The following SLIT3 variants were observed in gnomAD, a reference collection of about 807,000 sequenced individuals.
SLIT3 encodes the protein slit homolog 3 protein.
A neutral mutation model predicts 184.0 loss-of-function variants in SLIT3; 68 were observed. That is an observed-to-expected ratio of 0.37 (90% CI 0.30 to 0.45). The LOEUF (loss-of-function observed/expected upper bound fraction) is 0.45, where lower values mean the gene tolerates loss of function less well. Among genes scored for constraint, SLIT3 ranks in the 20% least tolerant of loss-of-function variants. The pLI is 1.00. For missense variants in SLIT3, 1,707 were observed against 2,026.0 expected, an observed-to-expected ratio of 0.84 and a Z score of 3.02; for synonymous variants, 831 against 828.6, an observed-to-expected ratio of 1.00 and a Z score of -0.05.
intron 13 of SLIT3, among the ~76,000 whole-genome samples, chr5:168,773,726 G>C (rs1755644341): frequency 6.6e-6 from 1 of 152,150 alleles, no homozygotes; most frequent in Admixed American, 6.5e-5. Flanking sequence ...ATGGAAGTGA[G>C]GATATACTTC....
chr5:169,145,808 G>A (rs151252185), intron 4 of SLIT3, among the ~76,000 whole-genome samples: 1 of 152,320 alleles, frequency 6.6e-6, no homozygotes, highest in East Asian at 1.9e-4. Context: ...AGCACTTTGG[G>A]AGGCCAAGGC....
Position 168,758,591 on chromosome 5 carries a change from A to T in SLIT3, c.1685+2271T>A, listed in dbSNP as rs150980741. Among the ~76,000 whole-genome samples the T allele has an allele frequency of 2.0e-3, 308 of 152,332 alleles. 4 individuals are homozygous for T. Among genetic ancestry groups the T allele is most frequent in the South Asian group, 0.019 (94 of 4,826 alleles). ...CAGTGACAGCCATGATCCTCACCCA[A>T]GTGTGCCCTTCTCTCAGCTGGCCCC... On this transcript the variant is annotated intron_variant, in intron 16 of 35. Transcript: ENST00000519560.
chr5:168,950,796 C>A (rs569023010), intron 4 of SLIT3, among the ~76,000 whole-genome samples: 3 of 152,250 alleles, frequency 2.0e-5, no homozygotes, highest in Non-Finnish European at 4.4e-5. Context: ...CCTGCACATA[C>A]GCTGACCAAA....
intron 4 of SLIT3, among the ~76,000 whole-genome samples, chr5:169,130,911 G>T (rs1481997899): frequency 6.6e-6 from 1 of 152,104 alleles, no homozygotes; most frequent in African/African-American, 2.4e-5. Flanking sequence ...TATAATGTTT[G>T]AAAATATACA....
intron 4 of SLIT3, among the ~76,000 whole-genome samples, chr5:168,990,323 G>A (rs538236011): frequency 7.0e-4 from 107 of 152,296 alleles, no homozygotes; most frequent in African/African-American, 2.5e-3. Context: ...AGAAACTCCA[G>A]CCCCAGCTCT....
chr5:169,190,935 G>A (rs1763531208), intron 4 of SLIT3, among the ~76,000 whole-genome samples: 1 of 152,170 alleles, frequency 6.6e-6, no homozygotes, highest in South Asian at 2.1e-4. Flanking sequence ...CAAGCCCAGA[G>A]AGAAAAAGGG....
chr5:168,753,400 G>GAAGAGAGA (rs1754785526), intron 17 of SLIT3, among the ~76,000 whole-genome samples: 1 of 152,254 alleles, frequency 6.6e-6, no homozygotes, highest in Non-Finnish European at 1.5e-5. Flanking sequence ...TCTGGGAAGA[G>GAAGAGAGA]AAGAGAGAAT....
chr5:169,170,746 G>A (rs1762791630), intron 4 of SLIT3, among the ~76,000 whole-genome samples: 1 of 150,360 alleles, frequency 6.7e-6, no homozygotes, highest in Non-Finnish European at 1.5e-5. Flanking sequence ...TTAAAAAATG[G>A]TATGGGCCAA....
At chr5:168,924,400 C>A (rs1761740307) in intron 4 of SLIT3, among the ~76,000 whole-genome samples, 1 of 152,150 alleles carries the variant, frequency 6.6e-6, no homozygotes. Context: ...CCTCTCAAAC[C>A]CTTCTTTTAG....
chr5:168,703,340 C>A (rs1762274770), intron 26 of SLIT3, among the ~76,000 whole-genome samples: 1 of 151,346 alleles, frequency 6.6e-6, no homozygotes, highest in South Asian at 2.1e-4. Flanking sequence ...ACCCCTGGGA[C>A]ATGGACTGGT....
intron 23 of SLIT3, among the ~76,000 whole-genome samples, chr5:168,716,587 G>A (rs1419405206): frequency 6.6e-6 from 1 of 152,288 alleles, no homozygotes; most frequent in Non-Finnish European, 1.5e-5. Flanking sequence ...CTGAAAGTGT[G>A]CAGCTTGTAT....
chr5:169,115,717 C>A (rs1195844173), intron 4 of SLIT3, among the ~76,000 whole-genome samples: 2 of 152,180 alleles, frequency 1.3e-5, no homozygotes, highest in African/African-American at 4.8e-5. Context: ...CTAATTTAAT[C>A]CTTACAAGTA....
intron 1 of SLIT3, among the ~76,000 whole-genome samples, chr5:169,283,533 C>T (rs919869745): frequency 2.6e-5 from 4 of 152,150 alleles, no homozygotes; most frequent in African/African-American, 4.8e-5. Flanking sequence ...GGCTGTATCC[C>T]ATGGGTGCAG....
rs184551237 is a variant in SLIT3 at position 168,925,908 on chromosome 5, C to T, written c.414-42572G>A. ...TTGCTGAGAAACTGATGAGAGTCAA[C>T]GGACAAGGGATAGCCCAGGAACCCA... On this transcript the variant is annotated intron_variant, in intron 4 of 35. Coordinates refer to ENST00000519560, the MANE Select transcript of SLIT3 (RefSeq NM_003062.4). Among the ~76,000 whole-genome samples the T allele has an allele frequency of 9.1e-4, 138 of 152,324 alleles. 1 individual carries two copies. Among genetic ancestry groups the T allele is most frequent in the Non-Finnish European group, 1.5e-3 (104 of 68,038 alleles).
rs117511532 is a variant in SLIT3 at position 169,127,175 on chromosome 5, A to G, written c.413+66304T>C. ...AAGGAAAAAGAAAATGTTTTATATG[A>G]GGCTAAGAGTACCAATGAGGACAAT... On this transcript the variant is annotated intron_variant, in intron 4 of 35. Coordinates refer to ENST00000519560, the MANE Select transcript of SLIT3 (RefSeq NM_003062.4). Among the ~76,000 whole-genome samples the G allele has an allele frequency of 7.5e-3, 1,145 of 152,308 alleles. 37 individuals carry two copies. Among genetic ancestry groups the G allele is most frequent in the Admixed American group, 0.058 (882 of 15,294 alleles).
intron 16 of SLIT3, among the ~76,000 whole-genome samples, chr5:168,754,582 A>G (rs547831088): frequency 6.6e-6 from 1 of 152,308 alleles, no homozygotes; most frequent in African/African-American, 2.4e-5. Flanking sequence ...GGGTGACTAT[A>G]GTTAACAACA....
intron 14 of SLIT3, among the ~76,000 whole-genome samples, chr5:168,770,821 A>G (rs2082400): frequency 0.31 from 46,494 of 151,822 alleles, 7,873 homozygotes; most frequent in East Asian, 0.58. Flanking sequence ...AGTTAGAACT[A>G]AGCTCTACTG....
intron 20 of SLIT3, among the ~76,000 whole-genome samples, chr5:168,726,430 A>C (rs371966815): frequency 0.034 from 66 of 1,930 alleles, no homozygotes; most frequent in Non-Finnish European, 0.066. Context: ...GGCAGGGAGG[A>C]AGAGGGAGGC....
At chr5:169,087,978 C>T (rs1759378129) in intron 4 of SLIT3, among the ~76,000 whole-genome samples, 1 of 152,180 alleles carries the variant, frequency 6.6e-6, no homozygotes, top group South Asian at 2.1e-4. Flanking sequence ...TATCCTCCTA[C>T]CACCCTTTTT....
Sources: allele counts gnomAD v4.1 joint callset (sites outside exome capture counted in the v4.1 genomes callset), GRCh38; gene constraint gnomAD v4.1.1; transcripts MANE v1.5; gene names NCBI Gene and HGNC (gene_info 2026-07-23, HGNC 2026-07-21).